The following ZNF814 variants were observed in gnomAD, a reference collection of about 807,000 sequenced individuals.
The protein encoded by ZNF814 is zinc finger protein 814.
A neutral mutation model predicts 7.5 loss-of-function variants in ZNF814; 5 were observed. The ratio of observed to expected loss-of-function variants is 0.67; its 90% CI spans 0.35 to 1.40. The LOEUF (loss-of-function observed/expected upper bound fraction) is 1.40, where lower values mean the gene tolerates loss of function less well. ZNF814 is among the 40% of genes most tolerant of loss of function. The pLI is 0.04. For missense variants in ZNF814, 962 were observed against 1,018.0 expected (o/e 0.94, Z 0.75); for synonymous variants, 315 against 340.7 (o/e 0.92, Z 0.83).
chr19:57,894,949 C>T, the ZNF814 span, among the ~76,000 whole-genome samples: 1 of 152,082 alleles, frequency 6.6e-6, no homozygotes, highest in Admixed American at 6.6e-5. Flanking sequence ...TTTTTGTTCC[C>T]AATGTTTCAC....
At chr19:57,903,198 GA>G in the ZNF814 span, among the ~76,000 whole-genome samples, 1 of 152,168 alleles carries the variant, frequency 6.6e-6, no homozygotes, top group African/African-American at 2.4e-5. Flanking sequence ...CGTTCAAAAA[GA>G]TTTATAGTTG....
the ZNF814 span, among the ~76,000 whole-genome samples, chr19:57,898,541 C>T: frequency 1.3e-5 from 2 of 152,042 alleles, no homozygotes; most frequent in South Asian, 2.1e-4. Flanking sequence ...GAGCAATGGC[C>T]GCTGAAACAG....
intron 2 of ZNF814, 46 bp downstream of exon 2, chr19:57,876,870 A>G (rs1156248828): frequency 2.5e-6 from 4 of 1,608,534 alleles, no homozygotes; most frequent in Admixed American, 1.7e-5. Context: ...AAGATAGGGG[A>G]AAACAGAGAC....
At chr19:57,883,664 A>G (rs1353819222) in intron 1 of ZNF814, among the ~76,000 whole-genome samples, 1 of 151,294 alleles carries the variant, frequency 6.6e-6, no homozygotes, top group East Asian at 1.9e-4. Flanking sequence ...CTGTCTCAAA[A>G]AAAAAAAAAA....
At chr19:57,903,673 C>T in the ZNF814 span, among the ~76,000 whole-genome samples, 1 of 152,186 alleles carries the variant, frequency 6.6e-6, no homozygotes, top group Non-Finnish European at 1.5e-5. Flanking sequence ...TGTCTGCAAT[C>T]AATTCTCTTA....
intron 1 of ZNF814, chr19:57,885,824 G>A (rs2122464958): frequency 6.6e-6 from 1 of 151,446 alleles, no homozygotes; most frequent in African/African-American, 2.4e-5. Flanking sequence ...GAAACACAAA[G>A]GATAATGCTT....
intron 1 of ZNF814, among the ~76,000 whole-genome samples, chr19:57,877,385 G>A (rs541188597): frequency 6.6e-6 from 1 of 152,216 alleles, no homozygotes; most frequent in Admixed American, 6.5e-5. Flanking sequence ...TCCATCCCCA[G>A]GTGACTGCCA....
At chr19:57,902,600 G>C in the ZNF814 span, among the ~76,000 whole-genome samples, 23 of 151,944 alleles carry the variant, frequency 1.5e-4, no homozygotes, top group Admixed American at 9.8e-4. Context: ...TTTCTAACAG[G>C]ACCTTTTGGA....
chr19:57,879,819 C>T (rs1315644038), intron 1 of ZNF814, among the ~76,000 whole-genome samples: 5 of 126,728 alleles, frequency 3.9e-5, no homozygotes, highest in African/African-American at 1.5e-4. Context: ...TTGCCAGGCA[C>T]GGTGGCTCGA....
intron 1 of ZNF814, among the ~76,000 whole-genome samples, chr19:57,885,036 T>A (rs893705442): frequency 6.6e-6 from 1 of 151,940 alleles, no homozygotes; most frequent in Non-Finnish European, 1.5e-5. Context: ...ATAAAGAAAA[T>A]GTAGGCCGGA....
intron 1 of ZNF814, among the ~76,000 whole-genome samples, chr19:57,888,560 C>T (rs1287039529): frequency 6.6e-6 from 1 of 152,196 alleles, no homozygotes; most frequent in Non-Finnish European, 1.5e-5. Context: ...TGGCTCAGTT[C>T]ACTTCCAGGC....
the ZNF814 span, among the ~76,000 whole-genome samples, chr19:57,900,063 T>G: frequency 2.6e-5 from 4 of 152,178 alleles, no homozygotes; most frequent in South Asian, 8.3e-4. Flanking sequence ...GGATATTGCC[T>G]TCTATTACTC....
At chr19:57,876,547 T>C (rs1462078658) in intron 2 of ZNF814, 3 of 364,110 alleles carry the variant, frequency 8.2e-6, no homozygotes. Flanking sequence ...TAGGCAGTGA[T>C]GTAGTCTGTG....
chr19:57,884,279 T>C (rs2071671633), intron 1 of ZNF814, among the ~76,000 whole-genome samples: 2 of 152,150 alleles, frequency 1.3e-5, no homozygotes, highest in African/African-American at 4.8e-5. Context: ...GGAAAAACCC[T>C]TAATAATCCC....
Position 57,876,907 on chromosome 19 carries a change from G to C in ZNF814, c.163+9C>G, listed in dbSNP as rs752361917. ...AGCTCAGGTCACAGGGTGAGTGTGA[G>C]CAACTTACCCAGGGAGGATATAAGT... On this transcript the variant is annotated intron_variant, in intron 2 of 2. Transcript: ENST00000435989. 6.2e-7 allele frequency: 1 copy of C among 1,614,022 alleles called. No individual in the cohort carries two copies. Among genetic ancestry groups the C allele is most frequent in the Non-Finnish European group, 8.5e-7 (1 of 1,179,932 alleles).
chr19:57,893,936 T>C (rs1183115401), upstream of ZNF814, among the ~76,000 whole-genome samples: 1 of 143,792 alleles, frequency 7.0e-6, no homozygotes, highest in Non-Finnish European at 1.5e-5. Context: ...AAAAAAAAAT[T>C]AGTCGTGCAT....
chr19:57,888,503 A>C (rs1024489142), intron 1 of ZNF814, among the ~76,000 whole-genome samples: 9 of 152,160 alleles, frequency 5.9e-5, no homozygotes, highest in African/African-American at 1.9e-4. Context: ...GCTCCGCCTC[A>C]TAATTTGCTC....
chr19:57,884,338 A>T (rs2071672140), intron 1 of ZNF814, among the ~76,000 whole-genome samples: 1 of 152,224 alleles, frequency 6.6e-6, no homozygotes, highest in Non-Finnish European at 1.5e-5. Flanking sequence ...TACAGTCAGG[A>T]GCAGTGCCTC....
chr19:57,904,807 T>C, the ZNF814 span, among the ~76,000 whole-genome samples: 1 of 152,134 alleles, frequency 6.6e-6, no homozygotes, highest in Admixed American at 6.5e-5. Flanking sequence ...TCCCAGCACT[T>C]TGGGAGGCCA....
Sources: gnomAD v4.1 joint callset for allele counts (sites outside exome capture counted in the v4.1 genomes callset) on GRCh38, gnomAD v4.1.1 for gene constraint, MANE v1.5 for transcripts, NCBI Gene and HGNC (gene_info 2026-07-23, HGNC 2026-07-21) for gene names.